CEP85L: variants seen among roughly 807,000 people sequenced by gnomAD.
CEP85L encodes the protein centrosomal protein of 85 kDa-like.
CEP85L carries 60 observed loss-of-function variants against 100.3 expected under a neutral mutation model. The ratio of observed to expected loss-of-function variants is 0.60; its 90% CI spans 0.49 to 0.74. The LOEUF (loss-of-function observed/expected upper bound fraction) is 0.74, where lower values mean the gene tolerates loss of function less well. CEP85L is among the 30% of genes least tolerant of loss of function. The pLI is 0.00. For synonymous variants in CEP85L, 319 were observed against 322.7 expected, an observed-to-expected ratio of 0.99 and a Z score of 0.12; for missense variants, 973 against 936.2, an observed-to-expected ratio of 1.04 and a Z score of -0.51.
At chr6:118,605,076 T>A (rs1772100411) in intron 2 of CEP85L, among the ~76,000 whole-genome samples, 1 of 152,176 alleles carries the variant, frequency 6.6e-6, no homozygotes, top group Non-Finnish European at 1.5e-5. Flanking sequence ...CTTAAGTGGA[T>A]TACTGGCTTC....
At chr6:118,521,399 G>A (rs1027319643) in intron 4 of CEP85L, among the ~76,000 whole-genome samples, 6 of 152,050 alleles carry the variant, frequency 3.9e-5, no homozygotes, top group African/African-American at 1.4e-4. Flanking sequence ...TTTCTCTTCT[G>A]TTTTATACAA....
intron 2 of CEP85L, among the ~76,000 whole-genome samples, chr6:118,573,767 G>A (rs534072479): frequency 1.3e-5 from 2 of 152,070 alleles, no homozygotes; most frequent in Non-Finnish European, 2.9e-5. Context: ...CGTAGAGATG[G>A]TGTGACTGGA....
chr6:118,645,035 G>C (rs921209193), intron 1 of CEP85L, among the ~76,000 whole-genome samples: 1 of 152,196 alleles, frequency 6.6e-6, no homozygotes, highest in African/African-American at 2.4e-5. Context: ...CTGACATGCA[G>C]AATAGAATCC....
chr6:118,651,479 G>C lies in CEP85L; in HGVS notation c.-210C>G, dbSNP rs897108806. 2 of 1,306,624 alleles carry C rather than the reference G, an allele frequency of 1.5e-6. No individual in the cohort carries two copies. The highest frequency in any genetic ancestry group is 1.5e-5 in the African/African-American group (1 of 64,620). The allele number at this position is 1,306,624 out of a possible 1,614,324, so 80.9% of individuals were successfully genotyped here. On this transcript the variant is annotated 5_prime_UTR_variant, in exon 1 of 13. Transcript: ENST00000368491. ...TGCCGGCGCCTGCCATGGCCAAGCCGGCTGGGCTGAGGCCCGCGCCGGGGA... is the reference window on the plus strand; with the variant it reads ...TGCCGGCGCCTGCCATGGCCAAGCCCGCTGGGCTGAGGCCCGCGCCGGGGA...
At chr6:118,691,308 G>A (rs1262617063) in intron 1 of CEP85L, among the ~76,000 whole-genome samples, 5 of 151,952 alleles carry the variant, frequency 3.3e-5, no homozygotes, top group African/African-American at 9.7e-5. Context: ...CAAGGCGGGC[G>A]GATCACCTGA....
At chr6:118,605,388 C>T (rs9489461) in intron 2 of CEP85L, among the ~76,000 whole-genome samples, 102,785 of 151,988 alleles carry the variant, frequency 0.68, 35,466 homozygotes, top group Middle Eastern at 0.74. Context: ...CATACTTCTC[C>T]GATCCAAGTG....
intron 6 of CEP85L, among the ~76,000 whole-genome samples, chr6:118,490,699 T>G (rs1168796065): frequency 3.3e-5 from 5 of 152,064 alleles, no homozygotes; most frequent in African/African-American, 9.7e-5. Context: ...AATCCAAATA[T>G]CTATCAACAG....
chr6:118,570,521 C>T (rs553169467), intron 2 of CEP85L, among the ~76,000 whole-genome samples: 18 of 152,156 alleles, frequency 1.2e-4, no homozygotes, highest in African/African-American at 3.9e-4. Flanking sequence ...GTGTTTATTC[C>T]CTAAATCTGA....
intron 11 of CEP85L, 89 bp from the exon 12 acceptor site, chr6:118,469,392 A>G (rs1699265812): frequency 1.0e-6 from 1 of 994,946 alleles, no homozygotes; most frequent in East Asian, 2.4e-5. Flanking sequence ...CCCCAAGTCT[A>G]TAAACAAAAC....
intron 3 of CEP85L, among the ~76,000 whole-genome samples, chr6:118,552,459 T>G (rs1778605274): frequency 6.6e-6 from 1 of 152,022 alleles, no homozygotes; most frequent in South Asian, 2.1e-4. Flanking sequence ...CGCACAAGAA[T>G]GCATCTGATA....
At chr6:118,670,568 G>A (rs1312371991) in intron 1 of CEP85L, among the ~76,000 whole-genome samples, 2 of 151,172 alleles carry the variant, frequency 1.3e-5, no homozygotes, top group African/African-American at 4.9e-5. Flanking sequence ...GCACTAAGCA[G>A]AGGCTTTAAA....
At position 118,502,632 on chromosome 6, in the gene CEP85L, T is replaced by C. The variant is rs1775380369; in HGVS notation, c.1257+8666A>G. On this transcript the variant is annotated intron_variant, in intron 5 of 12. Coordinates refer to ENST00000368491, the MANE Select transcript of CEP85L (RefSeq NM_001042475.3). ...AAGCTGAAGTATTCCAGAAGAAACC[T>C]GATGAGACCAACAAATTGCTCAGGG... 2.9e-5 allele frequency: 14 copies of C among 482,790 alleles called. No homozygotes were observed. In the South Asian group the frequency reaches 2.9e-4, roughly 10 times the overall value. The allele number at this position is 482,790 out of a possible 1,614,324, so 29.9% of individuals were successfully genotyped here.
Position 118,481,945 on chromosome 6 carries a change from T to A in CEP85L, c.1591-12A>T. On this transcript the variant is annotated splice_polypyrimidine_tract_variant and intron_variant, in intron 7 of 12. Coordinates refer to ENST00000368491, the MANE Select transcript of CEP85L (RefSeq NM_001042475.3). ...TCCAGAATCTGCAGCTAAGGAGAAA[T>A]GTTTTACAGTTCATTACACATGAAA... 7 of 1,505,656 alleles carry A rather than the reference T, an allele frequency of 4.6e-6. No homozygotes were observed. The highest frequency in any genetic ancestry group is 3.5e-4 in the Middle Eastern group (2 of 5,668). 93.3% of individuals were successfully genotyped at this position (1,505,656 alleles called of 1,614,324 possible). A position where few individuals can be genotyped will look rare whatever the true frequency, so the allele number is the denominator to read the frequency against.
At chr6:118,507,850 G>A (rs1775746797) in intron 5 of CEP85L, among the ~76,000 whole-genome samples, 1 of 152,094 alleles carries the variant, frequency 6.6e-6, no homozygotes, top group African/African-American at 2.4e-5. Flanking sequence ...TATGTTCATA[G>A]CTGGGGTTCC....
chr6:118,520,045 G>C (rs1776566100), intron 4 of CEP85L, among the ~76,000 whole-genome samples: 1 of 152,144 alleles, frequency 6.6e-6, no homozygotes, highest in African/African-American at 2.4e-5. Context: ...AATAGAAGTA[G>C]TTTCCACAAT....
intron 1 of CEP85L, among the ~76,000 whole-genome samples, chr6:118,681,868 G>A (rs1776673708): frequency 6.6e-6 from 1 of 151,508 alleles, no homozygotes; most frequent in African/African-American, 2.4e-5. Flanking sequence ...AGCCTCCCGA[G>A]TAGCTGGAAT....
At position 118,651,305 on chromosome 6, in the gene CEP85L, G is replaced by C; in HGVS notation, c.-36C>G. On this transcript the variant is annotated 5_prime_UTR_variant, in exon 1 of 13. Coordinates refer to ENST00000368491, the MANE Select transcript of CEP85L (RefSeq NM_001042475.3). The stretch of plus-strand genomic sequence containing the variant: ...AGGGCCGGGTGGGCCAGGGACGCCC[G>C]ACTCCTCACGTCCGTCCTCCTGCTT... The C allele has an allele frequency of 3.4e-6, 5 of 1,454,672 alleles. No individual in the cohort carries two copies. The highest frequency in any genetic ancestry group is 4.5e-6 in the Non-Finnish European group (5 of 1,106,450). The allele number at this position is 1,454,672 out of a possible 1,614,324, so 90.1% of individuals were successfully genotyped here. A position where few individuals can be genotyped will look rare whatever the true frequency, so the allele number is the denominator to read the frequency against.
At chr6:118,525,093 T>C (rs902118219) in intron 3 of CEP85L, among the ~76,000 whole-genome samples, 2 of 152,234 alleles carry the variant, frequency 1.3e-5, no homozygotes, top group African/African-American at 4.8e-5. Flanking sequence ...TAATCCTCCC[T>C]GGTCGTGTGA....
In CEP85L at chr6:118,465,256, C is replaced by G; in HGVS notation, c.*149G>C. 27 of 591,678 alleles carry G rather than the reference C, an allele frequency of 4.6e-5. No homozygotes were observed. The highest frequency in any genetic ancestry group is 5.9e-5 in the Non-Finnish European group (21 of 355,130). The allele number at this position is 591,678 out of a possible 1,614,324, so 36.7% of individuals were successfully genotyped here. On this transcript the variant is annotated 3_prime_UTR_variant, in exon 13 of 13. Transcript: ENST00000368491. ...GATTAGATAAGCCCCTTCAAAATCT[C>G]TTCACTTCCCTTCTCCCCTTCAACA...
Sources: gnomAD v4.1 joint callset for allele counts (sites outside exome capture counted in the v4.1 genomes callset) on GRCh38, gnomAD v4.1.1 for gene constraint, MANE v1.5 for transcripts, NCBI Gene and HGNC (gene_info 2026-07-23, HGNC 2026-07-21) for gene names.